The following TIAM1 variants were observed in gnomAD, a reference collection of about 807,000 sequenced individuals.
TIAM1 encodes the protein rho guanine nucleotide exchange factor TIAM1.
A neutral mutation model predicts 163.5 loss-of-function variants in TIAM1; 65 were observed. That is an observed-to-expected ratio of 0.40 (90% confidence interval 0.33 to 0.49). TIAM1 has a LOEUF of 0.49. Among genes scored for constraint, TIAM1 ranks in the 20% least tolerant of loss-of-function variants. TIAM1 has a pLI of 0.77. For synonymous variants in TIAM1, 833 were observed against 810.1 expected (o/e 1.03, Z -0.48); for missense variants, 1,789 against 2,044.7 (o/e 0.87, Z 2.41).
At chr21:31,377,468 G>A (rs1365042411) in intron 2 of TIAM1, among the ~76,000 whole-genome samples, 1 of 152,090 alleles carries the variant, frequency 6.6e-6, no homozygotes, top group African/African-American at 2.4e-5. Context: ...AAGGGCTGGA[G>A]TGCCCTCCTG....
At chr21:31,182,068 C>T (rs2085058351) in intron 15 of TIAM1, among the ~76,000 whole-genome samples, 1 of 151,712 alleles carries the variant, frequency 6.6e-6, no homozygotes, top group Admixed American at 6.6e-5. Flanking sequence ...CAGGTGCGAG[C>T]CACCACACGT....
chr21:31,263,289 T>C (rs1411321500), intron 4 of TIAM1, among the ~76,000 whole-genome samples: 1 of 152,166 alleles, frequency 6.6e-6, no homozygotes, highest in Non-Finnish European at 1.5e-5. Flanking sequence ...CAACAGATCC[T>C]GGGGCACAGA....
chr21:31,494,660 C>T (rs112000267), intron 1 of TIAM1, among the ~76,000 whole-genome samples: 1 of 152,068 alleles, frequency 6.6e-6, no homozygotes, highest in Admixed American at 6.6e-5. Flanking sequence ...CTGGCCAACA[C>T]GGTGAAAACC....
At chr21:31,179,251 G>A (rs1358117370) in intron 15 of TIAM1, among the ~76,000 whole-genome samples, 1 of 151,662 alleles carries the variant, frequency 6.6e-6, no homozygotes, top group East Asian at 2.0e-4. Flanking sequence ...GCCAGGCGAG[G>A]TGGCAGGTGC....
intron 2 of TIAM1, among the ~76,000 whole-genome samples, chr21:31,356,124 C>G (rs2076313381): frequency 6.6e-6 from 1 of 151,900 alleles, no homozygotes. Context: ...TCTTCTTTAA[C>G]CATAGAAAAA....
chr21:31,460,807 CT>C (rs1326453396), intron 2 of TIAM1, among the ~76,000 whole-genome samples: 3 of 152,206 alleles, frequency 2.0e-5, no homozygotes, highest in Admixed American at 1.3e-4. Flanking sequence ...AGCTATTTTA[CT>C]GTTTTAATTC....
At chr21:31,139,082 A>C (rs927751598) in intron 22 of TIAM1, among the ~76,000 whole-genome samples, 2 of 152,218 alleles carry the variant, frequency 1.3e-5, no homozygotes. Context: ...GATTTCTTAC[A>C]TATCAGAATT....
intron 2 of TIAM1, among the ~76,000 whole-genome samples, chr21:31,337,795 G>C (rs1053537912): frequency 5.1e-4 from 77 of 152,128 alleles, no homozygotes; most frequent in African/African-American, 1.9e-3. Flanking sequence ...CTCCCTAACT[G>C]CTGGGATTAC....
chr21:31,202,766 T>C, intron 12 of TIAM1, 142 bp downstream of exon 12: 1 of 738,642 alleles, frequency 1.4e-6, no homozygotes, highest in Middle Eastern at 2.4e-4. Flanking sequence ...AGTAGGGCCA[T>C]CTCCACCAAC....
intron 6 of TIAM1, among the ~76,000 whole-genome samples, chr21:31,234,668 A>G (rs886636112): frequency 6.6e-6 from 1 of 151,910 alleles, no homozygotes; most frequent in Non-Finnish European, 1.5e-5. Context: ...GTCATCCCAG[A>G]TATTCGAGAG....
At chr21:31,175,660 A>G (rs2084726236) in intron 15 of TIAM1, among the ~76,000 whole-genome samples, 1 of 151,952 alleles carries the variant, frequency 6.6e-6, no homozygotes, top group South Asian at 2.1e-4. Context: ...ATGCAATGGT[A>G]CGATCTTGGC....
chr21:31,184,506 C>T (rs185162326), intron 14 of TIAM1, among the ~76,000 whole-genome samples: 61 of 152,306 alleles, frequency 4.0e-4, no homozygotes, highest in African/African-American at 1.4e-3. Flanking sequence ...ATGGACATCA[C>T]TCTTGCATCT....
In TIAM1 at chr21:31,361,251, C is replaced by CT. The variant is rs1375037382; in HGVS notation, c.-368-21830dup. 2.0e-5 allele frequency among the ~76,000 whole-genome samples: 3 copies of CT among 152,308 alleles called. No homozygotes were observed. The South Asian group carries it at 6.2e-4, about 32-fold the overall frequency. On this transcript the variant is annotated intron_variant, in intron 2 of 28. Coordinates refer to the TIAM1 transcript ENST00000286827. ...AGGAAATAAAGCCAGACCCAGAATA[C>CT]TTAATAAAGTATGATTCCACTGATA...
intron 2 of TIAM1, among the ~76,000 whole-genome samples, chr21:31,440,340 A>AC (rs2044373692): frequency 1.3e-5 from 2 of 152,138 alleles, no homozygotes; most frequent in African/African-American, 4.8e-5. Flanking sequence ...TGCAGGTCCA[A>AC]ATATTTCTTC....
chr21:31,215,434 G>A (rs781389088), intron 9 of TIAM1, among the ~76,000 whole-genome samples: 2 of 151,886 alleles, frequency 1.3e-5, no homozygotes, highest in African/African-American at 2.4e-5. Context: ...GGTGGCAGGC[G>A]CCTGTAATCC....
At chr21:31,376,272 T>C (rs1185688587) in intron 2 of TIAM1, among the ~76,000 whole-genome samples, 1 of 152,082 alleles carries the variant, frequency 6.6e-6, no homozygotes, top group Non-Finnish European at 1.5e-5. Context: ...CCATCCCTGA[T>C]AAATGCATCT....
At chr21:31,348,352 C>T (rs971585201), upstream of TIAM1, among the ~76,000 whole-genome samples, 2 of 152,172 alleles carry the variant, frequency 1.3e-5, no homozygotes, top group Admixed American at 1.3e-4. Context: ...CTGGCACCAA[C>T]GCGTCCTCAC....
chr21:31,172,381 G>A (rs753237027), intron 15 of TIAM1, among the ~76,000 whole-genome samples: 12 of 152,130 alleles, frequency 7.9e-5, no homozygotes, highest in Non-Finnish European at 1.5e-4. Flanking sequence ...CACAATAGTA[G>A]TAGGTGAGCG....
chr21:31,146,075 C>A (rs1402918044), intron 20 of TIAM1, among the ~76,000 whole-genome samples: 1 of 152,156 alleles, frequency 6.6e-6, no homozygotes, highest in African/African-American at 2.4e-5. Flanking sequence ...TACGTTTTTA[C>A]ATAACTGCAA....
Sources: gnomAD v4.1 joint callset for allele counts (sites outside exome capture counted in the v4.1 genomes callset) on GRCh38, gnomAD v4.1.1 for gene constraint, MANE v1.5 for transcripts, NCBI Gene and HGNC (gene_info 2026-07-23, HGNC 2026-07-21) for gene names.